The following MYT1L variants were observed in gnomAD, a reference collection of about 807,000 sequenced individuals.
MYT1L encodes myelin transcription factor 1-like protein.
MYT1L carries 12 observed loss-of-function variants against 126.7 expected under a neutral mutation model. That is an observed-to-expected ratio of 0.09 (90% CI 0.06 to 0.15). The LOEUF is 0.15. Among genes scored for constraint, MYT1L ranks in the 10% least tolerant of loss-of-function variants. The pLI, the probability that MYT1L is intolerant of heterozygous loss-of-function variation, is 1.00. For synonymous variants in MYT1L, 541 were observed against 604.2 expected, an observed-to-expected ratio of 0.90 and a Z score of 1.53; for missense variants, 979 against 1,585.2, an observed-to-expected ratio of 0.62 and a Z score of 6.49.
At chr2:1,930,842 G>A (rs1258187193) in intron 9 of MYT1L, among the ~76,000 whole-genome samples, 1 of 152,128 alleles carries the variant, frequency 6.6e-6, no homozygotes, top group African/African-American at 2.4e-5. Flanking sequence ...GTGTTGCAGG[G>A]GTTTGCTGTA....
At chr2:1,850,659 G>A (rs981547080) in intron 19 of MYT1L, among the ~76,000 whole-genome samples, 7 of 152,138 alleles carry the variant, frequency 4.6e-5, no homozygotes, top group African/African-American at 1.7e-4. Context: ...GATCCAGTTT[G>A]AGCAAGAATC....
chr2:2,027,517 T>C (rs951296927), intron 4 of MYT1L, among the ~76,000 whole-genome samples: 1 of 152,200 alleles, frequency 6.6e-6, no homozygotes, highest in Admixed American at 6.5e-5. Flanking sequence ...AGCCAACGTG[T>C]AGAATAGCGT....
At chr2:2,297,142 C>T (rs2095707453) in intron 1 of MYT1L, among the ~76,000 whole-genome samples, 1 of 152,218 alleles carries the variant, frequency 6.6e-6, no homozygotes, top group African/African-American at 2.4e-5. Flanking sequence ...TATCAGGGGA[C>T]CTCCCGCCTT....
chr2:1,808,992 CTG>C, intron 22 of MYT1L, 82 bp downstream of exon 22: 2 of 1,194,626 alleles, frequency 1.7e-6, no homozygotes, highest in Non-Finnish European at 2.5e-6. Context: ...TGAGCTGTAA[CTG>C]TCAAAGGACA....
chr2:2,115,157 G>A (rs1028068720), intron 3 of MYT1L, among the ~76,000 whole-genome samples: 24 of 152,154 alleles, frequency 1.6e-4, no homozygotes, highest in African/African-American at 5.6e-4. Context: ...GTGATCTGTT[G>A]ATCACTCTCC....
chr2:2,103,261 T>C (rs1417828444), intron 3 of MYT1L, among the ~76,000 whole-genome samples: 3 of 152,204 alleles, frequency 2.0e-5, no homozygotes, highest in Admixed American at 6.5e-5. Flanking sequence ...GAAAAATTAA[T>C]CATCCTTGGT....
intron 3 of MYT1L, among the ~76,000 whole-genome samples, chr2:2,129,193 T>A (rs1252658331): frequency 6.6e-6 from 1 of 152,116 alleles, no homozygotes; most frequent in African/African-American, 2.4e-5. Context: ...GAGAAGGTGG[T>A]CGGGAAGAAG....
At chr2:2,093,328 T>A (rs868801770) in intron 3 of MYT1L, among the ~76,000 whole-genome samples, 4 of 143,420 alleles carry the variant, frequency 2.8e-5, no homozygotes, top group African/African-American at 7.6e-5. Context: ...GCGGGGGGGC[T>A]TTTTTTACTC....
intron 2 of MYT1L, among the ~76,000 whole-genome samples, chr2:2,246,185 A>G (rs2094531429): frequency 6.6e-6 from 1 of 152,024 alleles, no homozygotes; most frequent in South Asian, 2.1e-4. Flanking sequence ...CTACTGAAAG[A>G]GAGCTAGCAG....
chr2:1,971,338 C>T (rs138092770), intron 8 of MYT1L, among the ~76,000 whole-genome samples: 1 of 152,180 alleles, frequency 6.6e-6, no homozygotes, highest in Non-Finnish European at 1.5e-5. Flanking sequence ...CAGACAGGCA[C>T]CAGGCAAACT....
At chr2:1,863,481 T>C (rs75858034) in intron 18 of MYT1L, among the ~76,000 whole-genome samples, 163 of 152,290 alleles carry the variant, frequency 1.1e-3, no homozygotes, top group African/African-American at 3.8e-3. Flanking sequence ...GATTCCGACA[T>C]TCATCCCCAC....
At chr2:2,177,363 G>A (rs554558924) in intron 2 of MYT1L, among the ~76,000 whole-genome samples, 2 of 152,284 alleles carry the variant, frequency 1.3e-5, no homozygotes, top group Admixed American at 1.3e-4. Context: ...GATTATTTGT[G>A]GTAAATAGGC....
At chr2:2,013,171 G>C (rs1029813051) in intron 4 of MYT1L, among the ~76,000 whole-genome samples, 1 of 152,094 alleles carries the variant, frequency 6.6e-6, no homozygotes, top group African/African-American at 2.4e-5. Context: ...ATATTCATGC[G>C]ATGTCTCAAG....
intron 2 of MYT1L, among the ~76,000 whole-genome samples, chr2:2,238,172 T>C (rs2094364491): frequency 6.6e-6 from 1 of 152,170 alleles, no homozygotes; most frequent in Admixed American, 6.5e-5. Context: ...GTGGGGCATC[T>C]GAATTGCTGT....
At chr2:2,211,029 G>T (rs1201867403) in intron 2 of MYT1L, among the ~76,000 whole-genome samples, 1 of 151,968 alleles carries the variant, frequency 6.6e-6, no homozygotes, top group Non-Finnish European at 1.5e-5. Context: ...TTTTCACATT[G>T]TTCAGTGTTG....
chr2:2,108,831 C>T (rs560240313), intron 3 of MYT1L, among the ~76,000 whole-genome samples: 1 of 152,116 alleles, frequency 6.6e-6, no homozygotes, highest in African/African-American at 2.4e-5. Context: ...TTACTTAGCT[C>T]TATGCAATAT....
intron 21 of MYT1L, among the ~76,000 whole-genome samples, chr2:1,829,114 T>C (rs1186231503): frequency 6.6e-6 from 1 of 152,112 alleles, no homozygotes; most frequent in Non-Finnish European, 1.5e-5. Flanking sequence ...CAGCGCTTGG[T>C]GAGGATCTCC....
intron 3 of MYT1L, among the ~76,000 whole-genome samples, chr2:2,140,432 C>CTTTTTTTTT (rs35297300): frequency 6.4e-4 from 72 of 112,914 alleles, no homozygotes; most frequent in Non-Finnish European, 7.6e-4. Flanking sequence ...CTTTCTTTTT[C>CTTTTTTTTT]TTTTTTTTTT....
At chr2:2,295,402 C>T (rs926885278) in intron 1 of MYT1L, among the ~76,000 whole-genome samples, 17 of 152,160 alleles carry the variant, frequency 1.1e-4, no homozygotes, top group African/African-American at 3.4e-4. Flanking sequence ...TAGAGCCAGA[C>T]AGCTTTTTCT....
Sources: gnomAD v4.1 joint callset for allele counts (sites outside exome capture counted in the v4.1 genomes callset) on GRCh38, gnomAD v4.1.1 for gene constraint, MANE v1.5 for transcripts, NCBI Gene and HGNC (gene_info 2026-07-23, HGNC 2026-07-21) for gene names.